The following HMCN1 variants were observed in gnomAD, a reference collection of about 807,000 sequenced individuals.
The protein encoded by HMCN1 is hemicentin 1, also known as hemicentin-1.
Under a neutral mutation model 625.9 loss-of-function variants are expected in HMCN1, and 321 were observed. That is an observed-to-expected ratio of 0.51 (90% CI 0.47 to 0.56). The LOEUF is 0.56. Among genes scored for constraint, HMCN1 ranks in the 20% least tolerant of loss-of-function variants. HMCN1 has a pLI of 0.00. For missense variants in HMCN1, 6,588 were observed against 6,887.3 expected, an observed-to-expected ratio of 0.96 and a Z score of 1.54; for synonymous variants, 2,425 against 2,417.6, an observed-to-expected ratio of 1.00 and a Z score of -0.09.
chr1:185,964,673 C>G (rs369192601), intron 13 of HMCN1, among the ~76,000 whole-genome samples: 20 of 152,128 alleles, frequency 1.3e-4, no homozygotes, highest in African/African-American at 4.8e-4. Flanking sequence ...GGAAATATAA[C>G]AAGGCAGACA....
intron 1 of HMCN1, among the ~76,000 whole-genome samples, chr1:185,834,088 T>C (rs1175336755): frequency 6.6e-6 from 1 of 152,198 alleles, no homozygotes; most frequent in Non-Finnish European, 1.5e-5. Context: ...CATTAAACAG[T>C]GAGGGTCACT....
intron 68 of HMCN1, among the ~76,000 whole-genome samples, chr1:186,100,311 T>C (rs1660328004): frequency 6.6e-6 from 1 of 152,142 alleles, no homozygotes; most frequent in Non-Finnish European, 1.5e-5. Context: ...TCCATTAAAC[T>C]CTGAAAAGTT....
At chr1:186,103,025 AG>A (rs1165444422) in intron 68 of HMCN1, among the ~76,000 whole-genome samples, 3 of 152,144 alleles carry the variant, frequency 2.0e-5, no homozygotes, top group Non-Finnish European at 4.4e-5. Context: ...TTCCTCTCAA[AG>A]TTCTGCATGG....
At chr1:186,126,788 C>T (rs1267990676) in intron 82 of HMCN1, among the ~76,000 whole-genome samples, 1 of 152,082 alleles carries the variant, frequency 6.6e-6, no homozygotes, top group Non-Finnish European at 1.5e-5. Context: ...GTCATTGTAA[C>T]AATTTTACCT....
chr1:185,996,849 A>G (rs1652826625), intron 24 of HMCN1, among the ~76,000 whole-genome samples: 1 of 152,160 alleles, frequency 6.6e-6, no homozygotes, highest in African/African-American at 2.4e-5. Context: ...CACTTAGGAA[A>G]GAACAGGTCT....
chr1:186,088,877 C>G, intron 63 of HMCN1, 122 bp downstream of exon 63: 1 of 962,700 alleles, frequency 1.0e-6, no homozygotes, highest in Non-Finnish European at 1.6e-6. Flanking sequence ...TCATCAAAAA[C>G]TATCATCAGT....
intron 15 of HMCN1, among the ~76,000 whole-genome samples, chr1:185,975,112 A>G (rs1212656534): frequency 1.3e-5 from 2 of 152,168 alleles, no homozygotes; most frequent in African/African-American, 4.8e-5. Flanking sequence ...TGAGGCTAAC[A>G]TATCCAGAAA....
At position 186,017,076 on chromosome 1, in the gene HMCN1, G is replaced by T. The variant is rs767656003; in HGVS notation, c.5300+5G>T. The T allele has an allele frequency of 6.6e-7, 1 of 1,516,548 alleles. No individual in the cohort carries two copies. The highest frequency in any genetic ancestry group is 1.1e-5 in the South Asian group (1 of 89,172). The allele number at this position is 1,516,548 out of a possible 1,614,324, so 93.9% of individuals were successfully genotyped here. A position where few individuals can be genotyped will look rare whatever the true frequency, so the allele number is the denominator to read the frequency against. The stretch of plus-strand genomic sequence containing the variant: ...CTCTCCCCCACCAACTATCATGTAA[G>T]GGTTTTGGTATGTCTTCTAAATACC... On this transcript the variant is annotated splice_donor_5th_base_variant and intron_variant, in intron 33 of 106. Transcript: ENST00000271588.
chr1:185,821,231 A>G (rs1660167601), intron 1 of HMCN1, among the ~76,000 whole-genome samples: 1 of 152,094 alleles, frequency 6.6e-6, no homozygotes, highest in African/African-American at 2.4e-5. Context: ...CCACCAGTAT[A>G]AAGGATTGCA....
intron 36 of HMCN1, among the ~76,000 whole-genome samples, chr1:186,030,915 T>G (rs564922977): frequency 6.6e-6 from 1 of 151,936 alleles, no homozygotes; most frequent in Non-Finnish European, 1.5e-5. Flanking sequence ...ATACAAAAAT[T>G]TTGTTCTTAA....
chr1:186,035,092 T>C (rs959663749), intron 36 of HMCN1, among the ~76,000 whole-genome samples: 3 of 152,224 alleles, frequency 2.0e-5, no homozygotes, highest in Non-Finnish European at 4.4e-5. Context: ...CATGGACTGA[T>C]TATTCTTCCT....
chr1:186,178,401 A>G lies in HMCN1; in HGVS notation c.15944-15A>G. ...TGTCTTTTTTTTTCTTTTTTATATC[A>G]TGGCATACGAGCAGACATTAATGAA... On this transcript the variant is annotated splice_polypyrimidine_tract_variant and intron_variant, in intron 103 of 106. Coordinates refer to ENST00000271588, the MANE Select transcript of HMCN1 (RefSeq NM_031935.3). The G allele has an allele frequency of 6.3e-7, 1 of 1,584,490 alleles. No individual in the cohort carries two copies. Among genetic ancestry groups the G allele is most frequent in the South Asian group, 1.1e-5 (1 of 90,420 alleles).
intron 1 of HMCN1, among the ~76,000 whole-genome samples, chr1:185,818,789 A>G (rs1381087138): frequency 6.6e-6 from 1 of 152,214 alleles, no homozygotes; most frequent in Non-Finnish European, 1.5e-5. Flanking sequence ...TTAAGTATGG[A>G]ATGTAAAACT....
Position 185,984,295 on chromosome 1 carries a change from A to G in HMCN1, c.2917A>G (p.Thr973Ala). The G allele has an allele frequency of 6.2e-7, 1 of 1,613,910 alleles. No individual in the cohort carries two copies. The highest frequency in any genetic ancestry group is 1.1e-5 in the South Asian group (1 of 91,078). The change falls in exon 19 of 107, where the codon ACC (threonine) becomes GCC (alanine). Residue 973 changes from threonine (T) to alanine (A), a missense_variant. Thr to Ala is a moderately conservative substitution (Grantham distance 58). This residue lies in a region of HMCN1 where 4,628 missense variants were observed against 4,853.1 expected (regional missense o/e 0.95). Coordinates refer to ENST00000271588, the MANE Select transcript of HMCN1 (RefSeq NM_031935.3). Reference protein sequence around the residue: ...SNVAGTNNKTTSVVVHVLPTI... With the variant: ...SNVAGTNNKTASVVVHVLPTI... ...CGTTGCTGGGACCAATAACAAAACT[A>G]CCTCTGTGGTTGTGCATGGTAAGAG... is the stretch of plus-strand genomic sequence containing the variant.
intron 1 of HMCN1, among the ~76,000 whole-genome samples, chr1:185,744,855 T>C (rs1174667139): frequency 6.6e-6 from 1 of 152,120 alleles, no homozygotes; most frequent in Non-Finnish European, 1.5e-5. Context: ...AGAAGTGACA[T>C]GATTGGGTTT....
At chr1:185,858,927 G>A (rs1255420095) in intron 2 of HMCN1, among the ~76,000 whole-genome samples, 1 of 151,940 alleles carries the variant, frequency 6.6e-6, no homozygotes, top group East Asian at 1.9e-4. Context: ...TGCTTCTGCA[G>A]CCTAGTCCTG....
chr1:186,115,155 A>G (rs1378843913), intron 74 of HMCN1, 103 bp from the exon 75 acceptor site: 6 of 1,462,966 alleles, frequency 4.1e-6, no homozygotes, highest in South Asian at 2.3e-5. Context: ...GCTCATAACT[A>G]TGAGGCAAGT....
At chr1:186,063,102 A>G (rs1359199249) in intron 48 of HMCN1, among the ~76,000 whole-genome samples, 1 of 132,102 alleles carries the variant, frequency 7.6e-6, no homozygotes, top group Non-Finnish European at 1.6e-5. Flanking sequence ...ATATATATAT[A>G]TCACATTTTC....
chr1:186,015,877 A>G, intron 31 of HMCN1, 81 bp from the exon 32 acceptor site: 6 of 1,343,728 alleles, frequency 4.5e-6, no homozygotes, highest in Non-Finnish European at 5.3e-6. Context: ...GAGAAAAAAC[A>G]AAAGCTCTTC....
Sources: allele counts gnomAD v4.1 joint callset (sites outside exome capture counted in the v4.1 genomes callset), GRCh38; gene constraint gnomAD v4.1.1; regional missense constraint gnomAD v4.1.1; transcripts MANE v1.5; gene names NCBI Gene and HGNC (gene_info 2026-07-23, HGNC 2026-07-21).